The following SLC2A14 variants were observed in gnomAD, a reference collection of about 807,000 sequenced individuals.
SLC2A14 encodes solute carrier family 2 member 14.
In SLC2A14, 13 loss-of-function variants were observed where a neutral mutation model predicts 43.0. The ratio of observed to expected loss-of-function variants is 0.30; its 90% CI spans 0.20 to 0.48. The LOEUF is 0.48. Among genes scored for constraint, SLC2A14 ranks in the 20% least tolerant of loss-of-function variants. The pLI, the probability that SLC2A14 is intolerant of heterozygous loss-of-function variation, is 0.99. For missense variants in SLC2A14, 428 were observed against 620.4 expected (o/e 0.69, Z 3.29); for synonymous variants, 190 against 233.8 (o/e 0.81, Z 1.71).
At chr12:7,879,047 G>C (rs1297765407) in intron 1 of SLC2A14, among the ~76,000 whole-genome samples, 1 of 139,738 alleles carries the variant, frequency 7.2e-6, no homozygotes, top group Non-Finnish European at 1.5e-5. Flanking sequence ...ACTCTAGAAA[G>C]TAGGGGTGTC....
At chr12:7,825,726 C>CACT (rs1343431764) in intron 7 of SLC2A14, among the ~76,000 whole-genome samples, 1 of 146,102 alleles carries the variant, frequency 6.8e-6, no homozygotes, top group Admixed American at 6.9e-5. Flanking sequence ...TGCATCACTG[C>CACT]ACTCTAGCCT....
chr12:7,886,151 C>CTTTTT lies in SLC2A14; in HGVS notation c.132+4840_132+4844dup, dbSNP rs3044922. ...GGCATGTACCACCACGCCCGGACAG[C>CTTTTT]TTTTTTTTTTTTTTTTTTTTTTTTT... On this transcript the variant is annotated intron_variant, in intron 1 of 9. Coordinates refer to the SLC2A14 transcript ENST00000539924. 4.5e-4 allele frequency among the ~76,000 whole-genome samples: 20 copies of CTTTTT among 44,730 alleles called. 1 individual carries two copies. Among genetic ancestry groups the CTTTTT allele is most frequent in the African/African-American group, 8.9e-4 (10 of 11,274 alleles). 29.3% of individuals were successfully genotyped at this position (44,730 alleles called of 152,430 possible).
intron 1 of SLC2A14, among the ~76,000 whole-genome samples, chr12:7,883,530 T>C (rs1945628936): frequency 6.6e-6 from 1 of 150,752 alleles, no homozygotes; most frequent in Non-Finnish European, 1.5e-5. Context: ...CCTCCCAAAG[T>C]GCTGAGATTA....
intron 6 of SLC2A14, among the ~76,000 whole-genome samples, chr12:7,827,955 T>C (rs937228890): frequency 1.3e-5 from 2 of 152,112 alleles, no homozygotes; most frequent in African/African-American, 2.4e-5. Flanking sequence ...CTGGCCAACA[T>C]GGTGAAAGCC....
At chr12:7,865,568 G>A (rs544647243) in intron 2 of SLC2A14, among the ~76,000 whole-genome samples, 1 of 151,746 alleles carries the variant, frequency 6.6e-6, no homozygotes, top group Non-Finnish European at 1.5e-5. Context: ...AATAAAAAAA[G>A]ACAATAAATC....
rs1945767150 is a variant in SLC2A14, at chr12:7,890,980, A to G, written c.132+16T>C. ...GACTACCTGCCTTGAAGCATGATCT[A>G]TCTAGTTCCACTTACCTCCTCCCCG... On this transcript the variant is annotated intron_variant, in intron 1 of 9. Coordinates refer to the SLC2A14 transcript ENST00000539924. 3.9e-6 allele frequency: 6 copies of G among 1,533,264 alleles called. No homozygotes were observed. In the East Asian group the frequency reaches 7.3e-5, roughly 19 times the overall value. The allele number at this position is 1,533,264 out of a possible 1,614,324, so 95.0% of individuals were successfully genotyped here.
At chr12:7,826,857 T>TTCCTTC (rs1491266594) in intron 7 of SLC2A14, among the ~76,000 whole-genome samples, 4 of 75,022 alleles carry the variant, frequency 5.3e-5, no homozygotes, top group Admixed American at 1.4e-4. Context: ...TTCCTTCCTT[T>TTCCTTC]CTTTTTTCTT....
At chr12:7,863,222 G>A (rs958479483) in intron 2 of SLC2A14, 6 of 332,104 alleles carry the variant, frequency 1.8e-5, no homozygotes, top group Non-Finnish European at 3.6e-5. Flanking sequence ...GCTGCCTTAA[G>A]AGCTGCGACA....
chr12:7,884,072 T>C (rs765565819), intron 1 of SLC2A14, among the ~76,000 whole-genome samples: 124 of 149,614 alleles, frequency 8.3e-4, no homozygotes, highest in African/African-American at 1.7e-3. Context: ...TACAGGCGCC[T>C]GCCACCACAA....
At chr12:7,885,840 A>G (rs763142867) in intron 1 of SLC2A14, among the ~76,000 whole-genome samples, 1 of 152,210 alleles carries the variant, frequency 6.6e-6, no homozygotes, top group East Asian at 1.9e-4. Flanking sequence ...TGTTAGTTGA[A>G]TCTTTTATTC....
At position 7,829,865 on chromosome 12, in the gene SLC2A14, A is replaced by T. The variant is rs1399176967; in HGVS notation, c.414T>A (p.Phe138Leu). The change falls in exon 5 of 11, where the codon TTT becomes TTA. Residue 138 changes from phenylalanine to leucine, a missense_variant. Transcript: ENST00000431042. ...IGLFCGLCTG[F>L]VPMYIGEISP... ...AGATCTCTCCAATGTACATGGGCAC[A>T]AAACCTGTGCAGAGTCCGCAGAAGA... The T allele has an allele frequency of 6.2e-7, 1 of 1,614,216 alleles. No homozygotes were observed. The highest frequency in any genetic ancestry group is 8.5e-7 in the Non-Finnish European group (1 of 1,180,040).
At chr12:7,851,784 A>G (rs1866958483) in intron 2 of SLC2A14, among the ~76,000 whole-genome samples, 1 of 152,136 alleles carries the variant, frequency 6.6e-6, no homozygotes, top group Non-Finnish European at 1.5e-5. Context: ...CCTCTCAGGT[A>G]GCCTGAGAAT....
intron 1 of SLC2A14, among the ~76,000 whole-genome samples, chr12:7,878,923 G>A (rs73258956): frequency 0.024 from 3,095 of 130,202 alleles, 106 homozygotes; most frequent in East Asian, 0.15. Flanking sequence ...GTTGCAGTAA[G>A]CTGAGATCCT....
At chr12:7,871,269 A>G in intron 1 of SLC2A14, 10 of 1,194,132 alleles carry the variant, frequency 8.4e-6, no homozygotes, top group Non-Finnish European at 1.1e-5. Context: ...CAGATGAAGA[A>G]GTGGATGAGA....
At chr12:7,881,263 T>A (rs1297715574) in intron 1 of SLC2A14, among the ~76,000 whole-genome samples, 124 of 151,984 alleles carry the variant, frequency 8.2e-4, no homozygotes, top group Admixed American at 8.1e-3. Context: ...TCCCTCAGCT[T>A]GCGGGAGGTG....
intron 2 of SLC2A14, among the ~76,000 whole-genome samples, chr12:7,859,753 GT>G: frequency 6.6e-6 from 1 of 152,112 alleles, no homozygotes; most frequent in East Asian, 1.9e-4. Flanking sequence ...AAGAAGCTGA[GT>G]TTTTAAGGGA....
In SLC2A14 at chr12:7,872,818, C is replaced by G. The variant is rs1945312987; in HGVS notation, c.-69G>C. 2.0e-6 allele frequency: 2 copies of G among 985,452 alleles called. No homozygotes were observed. Among genetic ancestry groups the G allele is most frequent in the Non-Finnish European group, 2.4e-6 (2 of 830,090 alleles). 61.0% of individuals were successfully genotyped at this position (985,452 alleles called of 1,614,324 possible). A position where few individuals can be genotyped will look rare whatever the true frequency, so the allele number is the denominator to read the frequency against. ...CGCGGCGCACCCACCTCCCAGACCCCGCGACTGCGGTTGGGCCCCGCGGCT... is the reference window on the plus strand; with the variant it reads ...CGCGGCGCACCCACCTCCCAGACCCGGCGACTGCGGTTGGGCCCCGCGGCT... On this transcript the variant is annotated 5_prime_UTR_variant, in exon 1 of 11. Transcript: ENST00000431042.
At chr12:7,816,931 T>C (rs1246340679) in intron 10 of SLC2A14, among the ~76,000 whole-genome samples, 1 of 151,992 alleles carries the variant, frequency 6.6e-6, no homozygotes, top group Non-Finnish European at 1.5e-5. Context: ...AATCTCGAAC[T>C]CTTGACTGCA....
At chr12:7,816,949 C>T (rs867401715) in intron 10 of SLC2A14, among the ~76,000 whole-genome samples, 2 of 152,044 alleles carry the variant, frequency 1.3e-5, no homozygotes, top group Admixed American at 6.6e-5. Context: ...GCAAGTGATC[C>T]GCCCACCTCC....
Sources: gnomAD v4.1 joint callset for allele counts (sites outside exome capture counted in the v4.1 genomes callset) on GRCh38, gnomAD v4.1.1 for gene constraint, MANE v1.5 for transcripts, NCBI Gene and HGNC (gene_info 2026-07-23, HGNC 2026-07-21) for gene names.